Variants in ZNF184 observed in about 807,000 individuals in gnomAD.
The protein encoded by ZNF184 is zinc finger protein 184 (Kruppel-like).
ZNF184 carries 16 observed loss-of-function variants against 54.4 expected under a neutral mutation model. That is an observed-to-expected ratio of 0.29 (90% CI 0.20 to 0.45). The LOEUF (loss-of-function observed/expected upper bound fraction) is 0.45. ZNF184 is among the 20% of genes least tolerant of loss of function. The pLI is 1.00. For missense variants in ZNF184, 681 were observed against 888.2 expected, an observed-to-expected ratio of 0.77 and a Z score of 2.97; for synonymous variants, 254 against 295.3, an observed-to-expected ratio of 0.86 and a Z score of 1.43.
At chr6:27,405,033 T>C in the ZNF184 span, 1 of 151,166 alleles carries the variant, frequency 6.6e-6, no homozygotes. Flanking sequence ...AAAATAGCAC[T>C]ATATAATACC....
chr6:27,424,109 T>C, the ZNF184 span, among the ~76,000 whole-genome samples: 1 of 152,214 alleles, frequency 6.6e-6, no homozygotes. Flanking sequence ...TTCAGTTTCT[T>C]CCTTCTGGTG....
At chr6:27,450,475 CAAG>C (rs558931977), downstream of ZNF184, among the ~76,000 whole-genome samples, 1,572 of 152,174 alleles carry the variant, frequency 0.01, 11 homozygotes, top group Non-Finnish European at 0.017. Context: ...TGTAGGAACA[CAAG>C]AAGAAGAGAG....
At chr6:27,410,470 C>T in the ZNF184 span, among the ~76,000 whole-genome samples, 43 of 152,312 alleles carry the variant, frequency 2.8e-4, no homozygotes, top group Middle Eastern at 3.4e-3. Context: ...TTCATAGCTA[C>T]ATGATGGCAG....
the ZNF184 span, among the ~76,000 whole-genome samples, chr6:27,434,113 T>C: frequency 6.6e-6 from 1 of 152,126 alleles, no homozygotes; most frequent in Non-Finnish European, 1.5e-5. Context: ...CTCAGTCTCC[T>C]GGGCTCAAGT....
At chr6:27,466,653 T>C (rs1426771740) in intron 3 of ZNF184, among the ~76,000 whole-genome samples, 3 of 145,960 alleles carry the variant, frequency 2.1e-5, no homozygotes, top group African/African-American at 7.5e-5. Flanking sequence ...ATGTGCAGTT[T>C]ACTGTCACAG....
At chr6:27,470,405 G>A (rs932908599) in intron 2 of ZNF184, among the ~76,000 whole-genome samples, 5 of 152,142 alleles carry the variant, frequency 3.3e-5, no homozygotes, top group Admixed American at 6.5e-5. Context: ...GTTTCATTTT[G>A]TAAAAAATGT....
At chr6:27,448,052 T>C (rs6456786), downstream of ZNF184, among the ~76,000 whole-genome samples, 93,462 of 152,086 alleles carry the variant, frequency 0.61, 28,740 homozygotes, top group Middle Eastern at 0.75. Context: ...AGTTTACAGA[T>C]ATATTCACTT....
chr6:27,416,396 A>C, the ZNF184 span, among the ~76,000 whole-genome samples: 4 of 152,200 alleles, frequency 2.6e-5, no homozygotes, highest in African/African-American at 9.7e-5. Flanking sequence ...CTAAATTGAA[A>C]GGCAGATCAT....
At chr6:27,441,459 T>C in the ZNF184 span, among the ~76,000 whole-genome samples, 7 of 152,124 alleles carry the variant, frequency 4.6e-5, no homozygotes, top group African/African-American at 9.7e-5. Flanking sequence ...AAGCAATCCA[T>C]CTGCCTTGGC....
rs770566903 is a variant in ZNF184 at position 27,452,066 on chromosome 6, C to A, written c.1493G>T (p.Arg498Ile). 3 of 1,614,012 alleles carry A rather than the reference C, an allele frequency of 1.9e-6. No individual in the cohort carries two copies. The highest frequency in any genetic ancestry group is 2.5e-6 in the Non-Finnish European group (3 of 1,180,018). ...TTCACTGCATTCAAAGGGCTTTTCTCTCGTGTGAATTCTCCGATGTTGAGT... is the reference window on the plus strand; with the variant it reads ...TTCACTGCATTCAAAGGGCTTTTCTATCGTGTGAATTCTCCGATGTTGAGT... ...SLTQHRRIHT[R>I]EKPFECSECG... Residue 498 changes from arginine to isoleucine, a missense_variant, in exon 6 of 6, where the codon AGA (arginine) becomes ATA (isoleucine). Transcript: ENST00000683788. The surrounding 1 kb of genome is among the most constrained non-coding windows in gnomAD (Gnocchi z 5.5).
chr6:27,410,051 A>G, the ZNF184 span, among the ~76,000 whole-genome samples: 63,120 of 152,172 alleles, frequency 0.41, 13,927 homozygotes, highest in South Asian at 0.56. Flanking sequence ...ACAGGTTTGT[A>G]GCCTAGAAGA....
intron 2 of ZNF184, among the ~76,000 whole-genome samples, chr6:27,470,490 T>C (rs897238767): frequency 2.6e-5 from 4 of 152,188 alleles, no homozygotes; most frequent in Admixed American, 6.5e-5. Flanking sequence ...AAGGGAACTA[T>C]TATGCTCAAC....
At chr6:27,417,582 C>T in the ZNF184 span, among the ~76,000 whole-genome samples, 4 of 152,130 alleles carry the variant, frequency 2.6e-5, no homozygotes, top group African/African-American at 9.7e-5. Context: ...ACAGCCTCTG[C>T]TTGCCAAACT....
At chr6:27,416,502 G>C in the ZNF184 span, among the ~76,000 whole-genome samples, 1 of 152,200 alleles carries the variant, frequency 6.6e-6, no homozygotes, top group Non-Finnish European at 1.5e-5. Context: ...CACTTCTCTG[G>C]TATCATGACA....
intron 3 of ZNF184, among the ~76,000 whole-genome samples, chr6:27,463,384 TGAA>T (rs1763048670): frequency 6.6e-6 from 1 of 151,410 alleles, no homozygotes; most frequent in Non-Finnish European, 1.5e-5. Flanking sequence ...GAGTAAGCTT[TGAA>T]GAAGAGAGAT....
chr6:27,465,566 A>G (rs1581587029), intron 3 of ZNF184, among the ~76,000 whole-genome samples: 3 of 151,880 alleles, frequency 2.0e-5, no homozygotes, highest in African/African-American at 7.2e-5. Flanking sequence ...AAAGATACAA[A>G]TAAGTTAAAA....
chr6:27,466,574 C>T (rs2113733842), intron 3 of ZNF184, among the ~76,000 whole-genome samples: 1 of 152,170 alleles, frequency 6.6e-6, no homozygotes, highest in South Asian at 2.1e-4. Flanking sequence ...TATTTTCACT[C>T]TCTTGCTTGT....
At chr6:27,409,520 A>AAC in the ZNF184 span, among the ~76,000 whole-genome samples, 120 of 149,806 alleles carry the variant, frequency 8.0e-4, no homozygotes, top group African/African-American at 2.6e-3. Flanking sequence ...AAAAAAAAAA[A>AAC]ACACAAAACA....
chr6:27,465,082 C>T (rs1313877212), intron 3 of ZNF184, among the ~76,000 whole-genome samples: 2 of 146,490 alleles, frequency 1.4e-5, no homozygotes, highest in African/African-American at 5.1e-5. Context: ...GCACCATCTA[C>T]GAACCAGACA....
Sources: allele counts gnomAD v4.1 joint callset (sites outside exome capture counted in the v4.1 genomes callset), GRCh38; gene constraint gnomAD v4.1.1; non-coding constraint Gnocchi (gnomAD v3.1); transcripts MANE v1.5; gene names NCBI Gene and HGNC (gene_info 2026-07-23, HGNC 2026-07-21).